Variants in SLC35H1 observed in about 807,000 individuals in gnomAD.
The protein encoded by SLC35H1 is ovarian cancer-overexpressed gene 1 protein.
At chr20:46,360,031 G>C in the SLC35H1 span, among the ~76,000 whole-genome samples, 1 of 152,126 alleles carries the variant, frequency 6.6e-6, no homozygotes, top group African/African-American at 2.4e-5. Flanking sequence ...GGTATTTTGG[G>C]GATATGCTCC....
At chr20:46,350,456 T>C in the SLC35H1 span, 1 of 1,613,512 alleles carries the variant, frequency 6.2e-7, no homozygotes, top group Non-Finnish European at 8.5e-7. Flanking sequence ...TCCCGCTGGC[T>C]GCTCCGGAGC....
At chr20:46,358,545 G>A in the SLC35H1 span, 1 of 1,614,116 alleles carries the variant, frequency 6.2e-7, no homozygotes, top group East Asian at 2.2e-5. Flanking sequence ...GAGTCAGCGG[G>A]GGCAGGCACC....
chr20:46,348,713 C>G, the SLC35H1 span: 2 of 152,250 alleles, frequency 1.3e-5, no homozygotes, highest in African/African-American at 4.8e-5. Context: ...TGGCTTCAGT[C>G]TCCTGCTGCA....
At chr20:46,347,460 C>A in the SLC35H1 span, 1 of 152,376 alleles carries the variant, frequency 6.6e-6, no homozygotes, top group South Asian at 2.1e-4. Context: ...AAGGCTGACT[C>A]CAAAAATGAA....
chr20:46,355,418 T>C, the SLC35H1 span: 2 of 701,170 alleles, frequency 2.9e-6, no homozygotes, highest in Non-Finnish European at 4.7e-6. The surrounding 1 kb of genome is among the most constrained non-coding windows in gnomAD (Gnocchi z 4.8). Context: ...TGTCAGCATG[T>C]AGGGCTGACG....
At chr20:46,353,378 G>T in the SLC35H1 span, among the ~76,000 whole-genome samples, 1 of 152,198 alleles carries the variant, frequency 6.6e-6, no homozygotes, top group Non-Finnish European at 1.5e-5. Context: ...TGTCCATCTG[G>T]AAGAATGACT....
At chr20:46,346,908 A>G in the SLC35H1 span, 1 of 146,658 alleles carries the variant, frequency 6.8e-6, no homozygotes, top group Admixed American at 6.8e-5. Flanking sequence ...AAAAAAAAGC[A>G]TCTGTTAAGT....
chr20:46,362,319 A>T, the SLC35H1 span, among the ~76,000 whole-genome samples: 1 of 152,238 alleles, frequency 6.6e-6, no homozygotes, highest in Non-Finnish European at 1.5e-5. Flanking sequence ...GAAAGTCCAT[A>T]TTCTGCCCCA....
At chr20:46,356,872 G>A in the SLC35H1 span, among the ~76,000 whole-genome samples, 317 of 152,350 alleles carry the variant, frequency 2.1e-3, 1 homozygote, top group African/African-American at 7.0e-3. Flanking sequence ...GGCCGGTATG[G>A]TTTCCACAAA....
the SLC35H1 span, among the ~76,000 whole-genome samples, chr20:46,354,547 G>A: frequency 2.0e-5 from 3 of 152,116 alleles, no homozygotes; most frequent in Non-Finnish European, 2.9e-5. Context: ...TTACTTCTCT[G>A]GGCCTCATTT....
chr20:46,356,649 C>G, the SLC35H1 span: 32 of 1,612,586 alleles, frequency 2.0e-5, no homozygotes, highest in Non-Finnish European at 2.7e-5. Context: ...TGTGAAGACA[C>G]AGGCACCCAC....
At chr20:46,350,432 CATT>C in the SLC35H1 span, 1 of 1,613,768 alleles carries the variant, frequency 6.2e-7, no homozygotes, top group South Asian at 1.1e-5. Flanking sequence ...TCCTCCTCCT[CATT>C]GTCACCTTCC....
At chr20:46,362,884 A>T in the SLC35H1 span, among the ~76,000 whole-genome samples, 1 of 152,194 alleles carries the variant, frequency 6.6e-6, no homozygotes, top group South Asian at 2.1e-4. Flanking sequence ...CTCCCGCCTC[A>T]GGCTCCCGAG....
the SLC35H1 span, chr20:46,358,741 G>A: frequency 7.7e-5 from 119 of 1,544,916 alleles, no homozygotes; most frequent in Non-Finnish European, 1.0e-4. Context: ...ATTGGATGCA[G>A]CGCTCACAGG....
At chr20:46,356,497 C>T in the SLC35H1 span, 12 of 1,421,734 alleles carry the variant, frequency 8.4e-6, no homozygotes, top group East Asian at 1.4e-4. Flanking sequence ...GCCTAGCAGC[C>T]GGGTGTGCAG....
the SLC35H1 span, chr20:46,352,540 TGGGATCCTAGCGGGATGATG>T: frequency 6.7e-5 from 19 of 284,218 alleles, no homozygotes; most frequent in Admixed American, 1.5e-4. Context: ...AGCAGGATGA[TGGGATCCTAGCGGGATGATG>T]GGGATCCTAG....
chr20:46,352,285 A>G, the SLC35H1 span: 1 of 1,462,288 alleles, frequency 6.8e-7, no homozygotes, highest in South Asian at 1.2e-5. Flanking sequence ...TGGCCAGCCC[A>G]ATGCCAACCA....
At chr20:46,347,233 C>T in the SLC35H1 span, 5 of 152,350 alleles carry the variant, frequency 3.3e-5, no homozygotes, top group South Asian at 6.2e-4. Context: ...CACTCTACGG[C>T]GTCTGCAGGT....
At chr20:46,355,266 G>C in the SLC35H1 span, 19 of 1,597,460 alleles carry the variant, frequency 1.2e-5, no homozygotes, top group Non-Finnish European at 1.5e-5. The surrounding 1 kb of genome is among the most constrained non-coding windows in gnomAD (Gnocchi z 4.8). Flanking sequence ...AGCAGTGGCA[G>C]CTAACTCGGG....
Sources: allele counts gnomAD v4.1 joint callset (sites outside exome capture counted in the v4.1 genomes callset), GRCh38; gene constraint gnomAD v4.1.1; non-coding constraint Gnocchi (gnomAD v3.1); transcripts MANE v1.5; gene names NCBI Gene and HGNC (gene_info 2026-07-23, HGNC 2026-07-21).